Variants in BICDL1 observed in about 807,000 individuals in gnomAD.
BICDL1 encodes the protein BICD family-like cargo adapter 1.
A neutral mutation model predicts 76.8 loss-of-function variants in BICDL1; 20 were observed. The observed-to-expected ratio is 0.26, with a 90% CI of 0.18 to 0.38. BICDL1 has a LOEUF of 0.38. BICDL1 is among the 10% of genes least tolerant of loss of function. The probability of loss-of-function intolerance (pLI) is 1.00; values close to 1 mark genes in which losing one functional copy is unlikely to be tolerated. For synonymous variants in BICDL1, 383 were observed against 337.1 expected (o/e 1.14, Z -1.49); for missense variants, 700 against 798.6 (o/e 0.88, Z 1.49).
chr12:120,013,480 G>A (rs1356976302), intron 2 of BICDL1, among the ~76,000 whole-genome samples: 4 of 149,252 alleles, frequency 2.7e-5, no homozygotes, highest in South Asian at 4.3e-4. Flanking sequence ...GTGTGTGTGT[G>A]TGTCAGAGTC....
chr12:120,052,430 A>G (rs1952882900), intron 2 of BICDL1, among the ~76,000 whole-genome samples: 1 of 151,658 alleles, frequency 6.6e-6, no homozygotes, highest in African/African-American at 2.4e-5. Context: ...TTGATCAATT[A>G]TTTGGTACAA....
chr12:120,015,501 C>G (rs185860683), intron 2 of BICDL1, among the ~76,000 whole-genome samples: 6 of 152,298 alleles, frequency 3.9e-5, no homozygotes, highest in Admixed American at 1.3e-4. Context: ...TACTTACCAA[C>G]TAGAGTGCTT....
intron 2 of BICDL1, among the ~76,000 whole-genome samples, chr12:120,013,722 G>A (rs565461381): frequency 7.2e-5 from 11 of 151,984 alleles, no homozygotes; most frequent in South Asian, 2.1e-4. Flanking sequence ...TCAGCCTCCC[G>A]AAGTGCTGGG....
chr12:120,035,128 G>C (rs1952506681), intron 2 of BICDL1, among the ~76,000 whole-genome samples: 1 of 152,152 alleles, frequency 6.6e-6, no homozygotes, highest in Admixed American at 6.5e-5. Flanking sequence ...TTGAAGTCAG[G>C]AGTTCAAGGC....
At chr12:120,024,640 C>T (rs1359526717) in intron 2 of BICDL1, among the ~76,000 whole-genome samples, 2 of 152,100 alleles carry the variant, frequency 1.3e-5, no homozygotes, top group African/African-American at 2.4e-5. Context: ...TCCAGTGTAC[C>T]CTTCAGTATG....
At chr12:120,037,824 C>G (rs1339738659) in intron 2 of BICDL1, among the ~76,000 whole-genome samples, 1 of 152,176 alleles carries the variant, frequency 6.6e-6, no homozygotes, top group Non-Finnish European at 1.5e-5. Context: ...TTAACAGACT[C>G]GTCCTTTGAC....
At chr12:120,092,536 C>T (rs1410588188) in intron 9 of BICDL1, 1 of 985,370 alleles carries the variant, frequency 1.0e-6, no homozygotes, top group Non-Finnish European at 1.2e-6. Context: ...GCAGGAGGAG[C>T]CCCTGAGGCC....
At chr12:120,016,474 C>CTT (rs1256595208) in intron 2 of BICDL1, among the ~76,000 whole-genome samples, 1 of 130,678 alleles carries the variant, frequency 7.7e-6, no homozygotes, top group African/African-American at 2.9e-5. Flanking sequence ...GGGTCTCACT[C>CTT]TGTCACCCAT....
intron 2 of BICDL1, among the ~76,000 whole-genome samples, chr12:120,013,544 C>G (rs968975345): frequency 2.0e-5 from 3 of 151,296 alleles, no homozygotes; most frequent in Non-Finnish European, 4.4e-5. Flanking sequence ...TCACTGCAAC[C>G]TCCGCCTCCT....
At chr12:119,998,815 C>G in intron 2 of BICDL1, 79 bp downstream of exon 2, 1 of 1,389,928 alleles carries the variant, frequency 7.2e-7, no homozygotes, top group Non-Finnish European at 9.8e-7. Flanking sequence ...ATGCCTGTGA[C>G]GCCAGCATTT....
At chr12:120,068,785 C>T (rs1872857951) in intron 4 of BICDL1, among the ~76,000 whole-genome samples, 1 of 152,200 alleles carries the variant, frequency 6.6e-6, no homozygotes, top group Non-Finnish European at 1.5e-5. Context: ...CACTGCACTC[C>T]AGCCTGGGTG....
chr12:120,002,444 G>A (rs1951776925), intron 2 of BICDL1, among the ~76,000 whole-genome samples: 1 of 152,118 alleles, frequency 6.6e-6, no homozygotes, highest in Non-Finnish European at 1.5e-5. Context: ...CTGGGGGGTT[G>A]CATATACTTA....
chr12:120,057,172 A>G, intron 2 of BICDL1: 3 of 508,368 alleles, frequency 5.9e-6, no homozygotes, highest in Non-Finnish European at 1.2e-5. Context: ...TACATGGACA[A>G]GTACTACTAG....
At chr12:120,089,081 A>G (rs1874707683) in intron 8 of BICDL1, among the ~76,000 whole-genome samples, 2 of 152,198 alleles carry the variant, frequency 1.3e-5, no homozygotes, top group African/African-American at 4.8e-5. Context: ...ACACCTCTGT[A>G]TCTTCAGGAC....
chr12:120,012,624 C>T (rs1039642346), intron 2 of BICDL1, among the ~76,000 whole-genome samples: 1 of 152,066 alleles, frequency 6.6e-6, no homozygotes, highest in Non-Finnish European at 1.5e-5. Flanking sequence ...TATGTCTTTC[C>T]CTTTACATTA....
At position 119,989,995 on chromosome 12, in the gene BICDL1, C is replaced by T. The variant is rs1057080756; in HGVS notation, c.127C>T (p.Leu43Phe). 2.0e-6 allele frequency: 3 copies of T among 1,479,982 alleles called. No homozygotes were observed. Among genetic ancestry groups the T allele is most frequent in the Non-Finnish European group, 1.8e-6 (2 of 1,128,488 alleles). 91.7% of individuals were successfully genotyped at this position (1,479,982 alleles called of 1,614,324 possible). ...AVRSPAAAAA[L>F]IFPGGSGELE... is the part of the protein sequence containing the mutation. ...CCGGAGTCCCGCCGCCGCCGCCGCC[C>T]TCATCTTCCCCGGGGGCTCCGGGGA... Residue 43 changes from leucine to phenylalanine, a missense_variant, in exon 1 of 10, where the codon CTC (leucine) becomes TTC (phenylalanine). Physicochemically the swap from Leu to Phe is conservative, Grantham distance 22 (BLOSUM62 0). This residue lies in a region of BICDL1 where 225 missense variants were observed against 199.6 expected (regional missense o/e 1.13). Coordinates refer to ENST00000548673, the MANE Select transcript of BICDL1 (RefSeq NM_001367886.1).
rs754684577 is a variant in BICDL1, at chr12:120,064,773, G to A, written c.803G>A (p.Arg268His). 4.3e-6 allele frequency: 7 copies of A among 1,613,248 alleles called. No homozygotes were observed. Among genetic ancestry groups the A allele is most frequent in the East Asian group, 2.2e-5 (1 of 44,778 alleles). The change falls in exon 4 of 10, where the codon CGT (arginine) becomes CAT (histidine). Residue 268 changes from arginine to histidine, a missense_variant. Arg to His is a conservative substitution (Grantham distance 29). This residue lies in a region of BICDL1 where 455 missense variants were observed against 548.7 expected (regional missense o/e 0.83). Coordinates refer to ENST00000548673, the MANE Select transcript of BICDL1 (RefSeq NM_001367886.1). ...LSDRKRELEH[R>H]LSATLEENDL... ...GATCGGAAACGGGAGCTGGAGCATC[G>A]TCTCAGCGCTACTTTAGAGGAAAAT... is the stretch of plus-strand genomic sequence containing the variant.
rs1338456824 is a variant in BICDL1, at chr12:120,072,742, T to C, written c.1308+13T>C. 1.2e-6 allele frequency: 2 copies of C among 1,606,982 alleles called. No individual in the cohort carries two copies. Among genetic ancestry groups the C allele is most frequent in the Middle Eastern group, 4.2e-4 (2 of 4,734 alleles). On this transcript the variant is annotated intron_variant, in intron 6 of 9. Coordinates refer to ENST00000548673, the MANE Select transcript of BICDL1 (RefSeq NM_001367886.1). Reference sequence around the variant, plus strand: ...CATGGAGCCCACGGTAAGAGGCCAGTCTGAGATGGTCCTTACCCCACAGGA... The same window carrying C: ...CATGGAGCCCACGGTAAGAGGCCAGCCTGAGATGGTCCTTACCCCACAGGA...
At chr12:120,029,281 A>G (rs1952372581) in intron 2 of BICDL1, among the ~76,000 whole-genome samples, 1 of 152,222 alleles carries the variant, frequency 6.6e-6, no homozygotes, top group Non-Finnish European at 1.5e-5. Context: ...TTGTAGGGCT[A>G]TAATTTTACC....
Sources: gnomAD v4.1 joint callset for allele counts (sites outside exome capture counted in the v4.1 genomes callset) on GRCh38, gnomAD v4.1.1 for gene constraint, gnomAD v4.1.1 regional missense constraint, MANE v1.5 for transcripts, NCBI Gene and HGNC (gene_info 2026-07-23, HGNC 2026-07-21) for gene names.